The following TRABD2B variants were observed in gnomAD, a reference collection of about 807,000 sequenced individuals.
TRABD2B encodes TraB domain containing 2B.
In TRABD2B, 14 loss-of-function variants were observed where a neutral mutation model predicts 40.1. That is an observed-to-expected ratio of 0.35 (90% CI 0.23 to 0.55). The LOEUF (loss-of-function observed/expected upper bound fraction) is 0.55, where lower values mean the gene tolerates loss of function less well. TRABD2B is among the 20% of genes least tolerant of loss of function. The pLI is 0.90. For synonymous variants in TRABD2B, 263 were observed against 277.0 expected, an observed-to-expected ratio of 0.95 and a Z score of 0.50; for missense variants, 541 against 648.6, an observed-to-expected ratio of 0.83 and a Z score of 1.80.
chr1:47,887,069 T>C (rs1002632806), intron 2 of TRABD2B, among the ~76,000 whole-genome samples: 1 of 152,144 alleles, frequency 6.6e-6, no homozygotes, highest in Non-Finnish European at 1.5e-5. Context: ...TGTTCAAAGG[T>C]AAAGTGGGCT....
intron 2 of TRABD2B, among the ~76,000 whole-genome samples, chr1:47,830,231 C>T (rs993361632): frequency 4.6e-5 from 7 of 152,240 alleles, no homozygotes; most frequent in African/African-American, 1.7e-4. Context: ...CGTTCCCAGC[C>T]CCAAGGATGG....
chr1:47,840,592 C>T (rs1358724136), intron 2 of TRABD2B, among the ~76,000 whole-genome samples: 1 of 152,194 alleles, frequency 6.6e-6, no homozygotes, highest in Non-Finnish European at 1.5e-5. Context: ...TTCAGGGTGG[C>T]CCTGGTGGCT....
At chr1:47,923,796 T>A (rs573029374) in intron 2 of TRABD2B, among the ~76,000 whole-genome samples, 125 of 152,184 alleles carry the variant, frequency 8.2e-4, no homozygotes, top group African/African-American at 3.0e-3. Flanking sequence ...CTTGGACTCT[T>A]CCCTAGGTCT....
intron 3 of TRABD2B, among the ~76,000 whole-genome samples, chr1:47,798,763 C>T (rs900465236): frequency 3.9e-5 from 6 of 152,202 alleles, no homozygotes; most frequent in African/African-American, 1.4e-4. Flanking sequence ...TCCCTAAAGC[C>T]TTCAGGCAAA....
At chr1:47,913,566 T>C (rs1358751994) in intron 2 of TRABD2B, among the ~76,000 whole-genome samples, 3 of 152,180 alleles carry the variant, frequency 2.0e-5, no homozygotes, top group Non-Finnish European at 4.4e-5. Flanking sequence ...ATGGCTGCTT[T>C]GTTGTCCCTT....
At chr1:47,784,595 G>T (rs548310564) in intron 4 of TRABD2B, among the ~76,000 whole-genome samples, 2 of 152,224 alleles carry the variant, frequency 1.3e-5, no homozygotes, top group Non-Finnish European at 2.9e-5. Flanking sequence ...TTAATGCAAG[G>T]GAAACTTTCA....
At chr1:47,838,275 C>T (rs1470135758) in intron 2 of TRABD2B, among the ~76,000 whole-genome samples, 1 of 152,198 alleles carries the variant, frequency 6.6e-6, no homozygotes, top group Non-Finnish European at 1.5e-5. Flanking sequence ...GGCATCTGGG[C>T]AAGAAGGCAA....
chr1:47,867,100 C>T (rs990149298), intron 2 of TRABD2B, among the ~76,000 whole-genome samples: 1 of 152,180 alleles, frequency 6.6e-6, no homozygotes, highest in African/African-American at 2.4e-5. Flanking sequence ...GATTGTGGAC[C>T]CAGATGCTCT....
chr1:47,855,450 G>A (rs1040138001), intron 2 of TRABD2B, among the ~76,000 whole-genome samples: 2 of 152,142 alleles, frequency 1.3e-5, no homozygotes, highest in African/African-American at 4.8e-5. Context: ...ATGGGATATC[G>A]TTCTGTTTTT....
intron 2 of TRABD2B, among the ~76,000 whole-genome samples, chr1:47,822,046 TA>T (rs2124412457): frequency 6.6e-6 from 1 of 152,244 alleles, no homozygotes; most frequent in Admixed American, 6.5e-5. Context: ...CTCTCAGTCA[TA>T]TTCATACTCT....
intron 2 of TRABD2B, among the ~76,000 whole-genome samples, chr1:47,956,514 G>T (rs1237967663): frequency 6.6e-6 from 1 of 152,340 alleles, no homozygotes; most frequent in Non-Finnish European, 1.5e-5. Flanking sequence ...CCCTAAGACT[G>T]TGCTTTTCCA....
intron 2 of TRABD2B, among the ~76,000 whole-genome samples, chr1:47,940,021 A>G (rs905160253): frequency 7.2e-5 from 11 of 152,162 alleles, no homozygotes; most frequent in Non-Finnish European, 1.2e-4. Flanking sequence ...TCTGGCTCCA[A>G]CCGAATTTCC....
At chr1:47,960,180 A>G (rs1158298485) in intron 2 of TRABD2B, among the ~76,000 whole-genome samples, 1 of 152,052 alleles carries the variant, frequency 6.6e-6, no homozygotes, top group Non-Finnish European at 1.5e-5. Flanking sequence ...CATGCTAAAA[A>G]CTCTCAATAA....
chr1:47,989,882 C>T (rs1645976114), intron 2 of TRABD2B, among the ~76,000 whole-genome samples: 1 of 152,202 alleles, frequency 6.6e-6, no homozygotes, highest in Non-Finnish European at 1.5e-5. Context: ...TGAGTTTGAA[C>T]ACTGAGTCTA....
intron 2 of TRABD2B, among the ~76,000 whole-genome samples, chr1:47,914,394 G>C (rs1026928268): frequency 1.3e-5 from 2 of 152,364 alleles, no homozygotes; most frequent in Middle Eastern, 3.4e-3. Flanking sequence ...TACCGTCCTG[G>C]TGACCTGGAC....
At chr1:47,908,414 A>T (rs1644707066) in intron 2 of TRABD2B, among the ~76,000 whole-genome samples, 1 of 152,200 alleles carries the variant, frequency 6.6e-6, no homozygotes, top group East Asian at 1.9e-4. Context: ...GATTGGGAGA[A>T]CTCAGGCCAA....
At chr1:47,973,596 CCA>C (rs1243549283) in intron 2 of TRABD2B, among the ~76,000 whole-genome samples, 3 of 152,138 alleles carry the variant, frequency 2.0e-5, no homozygotes, top group African/African-American at 7.2e-5. Context: ...AAGTGCCACC[CCA>C]GATTCTTGAA....
intron 2 of TRABD2B, among the ~76,000 whole-genome samples, chr1:47,925,783 T>C (rs769661894): frequency 4.6e-5 from 7 of 152,260 alleles, no homozygotes; most frequent in Non-Finnish European, 8.8e-5. Flanking sequence ...GTTGAATTCT[T>C]ACATCCATTT....
At position 47,994,425 on chromosome 1, in the gene TRABD2B, T is replaced by C; in HGVS notation, c.275A>G (p.Tyr92Cys). ...GCAGCTGGCCAGGGCCGAGATGGTG[T>C]AGGGGTCTGTAAGGTCCAGCTCAAA... is the stretch of plus-strand genomic sequence containing the variant. ...VYFELDLTDP[Y>C]TISALASCQL... Residue 92 changes from tyrosine (Y) to cysteine (C), a missense_variant, in exon 2 of 7, where the codon TAC (tyrosine) becomes TGC (cysteine). Transcript: ENST00000606738. This position sits in a 1 kb window ranked among gnomAD's most constrained non-coding sequence, Gnocchi z 6.7. The C allele has an allele frequency of 6.5e-7, 1 of 1,536,132 alleles. No homozygotes were observed. Among genetic ancestry groups the C allele is most frequent in the Non-Finnish European group, 8.7e-7 (1 of 1,146,916 alleles).
Sources: allele counts gnomAD v4.1 joint callset (sites outside exome capture counted in the v4.1 genomes callset), GRCh38; gene constraint gnomAD v4.1.1; non-coding constraint Gnocchi (gnomAD v3.1); transcripts MANE v1.5; gene names NCBI Gene and HGNC (gene_info 2026-07-23, HGNC 2026-07-21).